The following RNGTT variants were observed in gnomAD, a reference collection of about 807,000 sequenced individuals.
RNGTT encodes mRNA-capping enzyme.
RNGTT carries 33 observed loss-of-function variants against 79.3 expected under a neutral mutation model. That is an observed-to-expected ratio of 0.42 (90% CI 0.32 to 0.56). The LOEUF is 0.56. Among genes scored for constraint, RNGTT ranks in the 20% least tolerant of loss-of-function variants. The pLI, the probability that RNGTT is intolerant of heterozygous loss-of-function variation, is 0.17. For missense variants in RNGTT, 497 were observed against 739.1 expected (o/e 0.67, Z 3.80); for synonymous variants, 222 against 235.9 (o/e 0.94, Z 0.54).
chr6:88,829,352 C>T (rs1780774421), intron 11 of RNGTT, among the ~76,000 whole-genome samples: 1 of 152,136 alleles, frequency 6.6e-6, no homozygotes, highest in Non-Finnish European at 1.5e-5. Flanking sequence ...ACCAGGGCTG[C>T]CCTAAAAGAG....
intron 11 of RNGTT, among the ~76,000 whole-genome samples, chr6:88,837,765 C>T (rs1781130160): frequency 2.6e-5 from 4 of 152,012 alleles, no homozygotes; most frequent in East Asian, 1.9e-4. Flanking sequence ...AAACTGAACA[C>T]CCATTCTTGG....
chr6:88,706,762 A>G (rs1011791310), intron 13 of RNGTT, among the ~76,000 whole-genome samples: 19 of 152,168 alleles, frequency 1.2e-4, no homozygotes, highest in Admixed American at 7.9e-4. Flanking sequence ...TCTTTAACTT[A>G]GCTTGACATA....
intron 11 of RNGTT, among the ~76,000 whole-genome samples, chr6:88,804,340 G>A (rs1779889172): frequency 6.6e-6 from 1 of 152,110 alleles, no homozygotes; most frequent in South Asian, 2.1e-4. Context: ...TCCTCCAATA[G>A]CCACTTAAAT....
At chr6:88,709,090 A>G (rs1776236844) in intron 13 of RNGTT, among the ~76,000 whole-genome samples, 1 of 152,100 alleles carries the variant, frequency 6.6e-6, no homozygotes, top group Non-Finnish European at 1.5e-5. Context: ...CGGAGGGATC[A>G]TGAGGTCAGG....
chr6:88,868,783 T>G (rs1427864333), intron 8 of RNGTT, among the ~76,000 whole-genome samples: 1 of 152,200 alleles, frequency 6.6e-6, no homozygotes, highest in Non-Finnish European at 1.5e-5. Flanking sequence ...TCTGAGTGTG[T>G]AGTCAAAACA....
chr6:88,689,082 T>C (rs1470509646), intron 13 of RNGTT, among the ~76,000 whole-genome samples: 1 of 152,162 alleles, frequency 6.6e-6, no homozygotes, highest in Non-Finnish European at 1.5e-5. Flanking sequence ...AAAAATTATA[T>C]GCAGATTTTC....
chr6:88,710,115 C>A (rs1776268414), intron 13 of RNGTT, among the ~76,000 whole-genome samples: 1 of 152,138 alleles, frequency 6.6e-6, no homozygotes, highest in South Asian at 2.1e-4. Context: ...AACTTTGGAG[C>A]TGGGTGCAGT....
At chr6:88,854,725 C>T (rs1050179877) in intron 8 of RNGTT, among the ~76,000 whole-genome samples, 2 of 151,716 alleles carry the variant, frequency 1.3e-5, no homozygotes, top group African/African-American at 4.9e-5. Context: ...TCTTCTTAAA[C>T]TCAATCAACA....
chr6:88,859,173 C>G (rs894262656), intron 8 of RNGTT, among the ~76,000 whole-genome samples: 1 of 151,442 alleles, frequency 6.6e-6, no homozygotes, highest in Non-Finnish European at 1.5e-5. Context: ...TCTGTTTAAT[C>G]CCCCCACCCC....
intron 11 of RNGTT, among the ~76,000 whole-genome samples, chr6:88,826,861 T>A (rs9359824): frequency 0.03 from 4,322 of 144,578 alleles, 134 homozygotes; most frequent in African/African-American, 0.062. Flanking sequence ...TGTGTATATA[T>A]ATATATATAA....
intron 14 of RNGTT, among the ~76,000 whole-genome samples, chr6:88,634,916 GTTCT>G (rs1773044681): frequency 6.6e-6 from 1 of 152,000 alleles, no homozygotes; most frequent in Admixed American, 6.6e-5. Flanking sequence ...ATTATTAATA[GTTCT>G]TTCTTTTTTA....
chr6:88,925,780 G>A (rs920749813), intron 4 of RNGTT, among the ~76,000 whole-genome samples: 1 of 152,136 alleles, frequency 6.6e-6, no homozygotes, highest in African/African-American at 2.4e-5. Context: ...GGCCAAGGCA[G>A]GAGGATCAAT....
At chr6:88,893,542 C>T (rs1653347589) in intron 6 of RNGTT, among the ~76,000 whole-genome samples, 2 of 152,112 alleles carry the variant, frequency 1.3e-5, no homozygotes, top group African/African-American at 4.8e-5. Flanking sequence ...CACTTTCCCA[C>T]AATATTACCA....
intron 14 of RNGTT, among the ~76,000 whole-genome samples, chr6:88,666,748 G>A (rs974030863): frequency 3.9e-5 from 6 of 152,298 alleles, no homozygotes; most frequent in Admixed American, 2.6e-4. Flanking sequence ...AGAGATGTCC[G>A]CTGGATATGC....
At chr6:88,672,489 G>A (rs1272921705) in intron 14 of RNGTT, among the ~76,000 whole-genome samples, 1 of 152,056 alleles carries the variant, frequency 6.6e-6, no homozygotes, top group Non-Finnish European at 1.5e-5. Context: ...TCACTCATAA[G>A]TAGGAGCTAA....
At chr6:88,639,051 A>T (rs1201514376) in intron 14 of RNGTT, among the ~76,000 whole-genome samples, 1 of 152,194 alleles carries the variant, frequency 6.6e-6, no homozygotes, top group Non-Finnish European at 1.5e-5. Context: ...ATACATTTCA[A>T]AAATGATGTC....
rs190702128 is a variant in RNGTT at position 88,904,959 on chromosome 6, T to C, written c.444-4A>G. 4.4e-4 allele frequency: 708 copies of C among 1,613,334 alleles called. 6 individuals are homozygous for C. Among genetic ancestry groups the C allele is most frequent in the East Asian group, 2.0e-4 (9 of 44,868 alleles). On this transcript the variant is annotated splice_region_variant and splice_polypyrimidine_tract_variant and intron_variant, in intron 5 of 15. Transcript: ENST00000369485. Reference sequence around the variant, plus strand: ...AGTAGCAACTGCTGCTTCGATACTATAGGAAACAAACACCATGCAATTTCC... The same window carrying C: ...AGTAGCAACTGCTGCTTCGATACTACAGGAAACAAACACCATGCAATTTCC...
chr6:88,775,610 G>A (rs1778850583), intron 12 of RNGTT, among the ~76,000 whole-genome samples: 1 of 152,158 alleles, frequency 6.6e-6, no homozygotes, highest in Admixed American at 6.5e-5. Context: ...ATTATAATAA[G>A]GAGGTACAGA....
At chr6:88,750,267 T>C (rs904545105) in intron 13 of RNGTT, among the ~76,000 whole-genome samples, 3 of 152,148 alleles carry the variant, frequency 2.0e-5, no homozygotes, top group African/African-American at 7.2e-5. Flanking sequence ...AGCAGCGTTC[T>C]AGTAATGTCA....
Sources: allele counts gnomAD v4.1 joint callset (sites outside exome capture counted in the v4.1 genomes callset), GRCh38; gene constraint gnomAD v4.1.1; transcripts MANE v1.5; gene names NCBI Gene and HGNC (gene_info 2026-07-23, HGNC 2026-07-21).